THSD4: variants seen among roughly 807,000 people sequenced by gnomAD.
THSD4 encodes thrombospondin type 1 domain containing 4, also known as thrombospondin type-1 domain-containing protein 4.
A neutral mutation model predicts 119.0 loss-of-function variants in THSD4; 69 were observed. That is an observed-to-expected ratio of 0.58 (90% CI 0.48 to 0.71). THSD4 has a LOEUF of 0.71. THSD4 is among the 30% of genes least tolerant of loss of function. THSD4 has a pLI of 0.00. For missense variants in THSD4, 1,393 were observed against 1,391.1 expected, an observed-to-expected ratio of 1.00 and a Z score of -0.02; for synonymous variants, 524 against 540.4, an observed-to-expected ratio of 0.97 and a Z score of 0.42.
chr15:71,298,833 G>A (rs567715889), intron 6 of THSD4, among the ~76,000 whole-genome samples: 44 of 152,252 alleles, frequency 2.9e-4, no homozygotes, highest in African/African-American at 9.9e-4. Context: ...GGCTGGTCTC[G>A]AACTCCTGAG....
At chr15:71,459,338 GTCTCTCTGTCTCTCTCTC>G (rs1375575266) in intron 7 of THSD4, among the ~76,000 whole-genome samples, 2 of 131,472 alleles carry the variant, frequency 1.5e-5, no homozygotes, top group Admixed American at 1.5e-4. Context: ...CTCTCTCTCT[GTCTCTCTGTCTCTCTCTC>G]TCTCTCTGTC....
intron 6 of THSD4, among the ~76,000 whole-genome samples, chr15:71,364,256 A>G (rs1049400763): frequency 6.6e-6 from 1 of 152,212 alleles, no homozygotes. Flanking sequence ...CCTGCTACCC[A>G]TCGTTCTTGC....
intron 6 of THSD4, among the ~76,000 whole-genome samples, chr15:71,366,816 G>A (rs979423829): frequency 3.9e-5 from 6 of 152,140 alleles, no homozygotes; most frequent in African/African-American, 1.4e-4. Context: ...ATTTCCAGGT[G>A]GGAATTAGAC....
At chr15:71,186,282 C>T (rs987425283) in intron 3 of THSD4, 7 of 152,090 alleles carry the variant, frequency 4.6e-5, no homozygotes, top group African/African-American at 1.7e-4. Context: ...ATGAGATGAC[C>T]TTTGTGTGCC....
chr15:71,199,893 ATGTGTGTGTGGTGCATGTGTGGGG>A (rs1309323293), intron 3 of THSD4, among the ~76,000 whole-genome samples: 97 of 29,818 alleles, frequency 3.3e-3, no homozygotes, highest in African/African-American at 5.4e-3. Flanking sequence ...CATGTGTGGT[ATGTGTGTGTGGTGCATGTGTGGGG>A]TGTGTGTGTG....
chr15:71,630,748 G>GTTTGAATGCACCAGTGTGTGTCTCTGGTT (rs2050610776), intron 7 of THSD4, among the ~76,000 whole-genome samples: 1 of 152,218 alleles, frequency 6.6e-6, no homozygotes, highest in Non-Finnish European at 1.5e-5. Flanking sequence ...ACACATGGGT[G>GTTTGAATGCACCAGTGTGTGTCTCTGGTT]TTTGAATGCA....
rs1457208182 is a variant in THSD4, at chr15:71,349,027, C to G, written c.1016-62660C>G. ...CATAAATTCTCTTTTTCTGGGCCATCCTTCCTATCTGTGTTCACAAGTCCA... is the reference window on the plus strand; with the variant it reads ...CATAAATTCTCTTTTTCTGGGCCATGCTTCCTATCTGTGTTCACAAGTCCA... On this transcript the variant is annotated intron_variant, in intron 6 of 17. Transcript: ENST00000261862. Among the ~76,000 whole-genome samples the G allele has an allele frequency of 2.6e-5, 4 of 152,324 alleles. No homozygotes were observed. In the East Asian group the frequency reaches 7.7e-4, roughly 29 times the overall value.
intron 3 of THSD4, among the ~76,000 whole-genome samples, chr15:71,214,394 C>A (rs1459578875): frequency 6.6e-6 from 1 of 152,226 alleles, no homozygotes; most frequent in Non-Finnish European, 1.5e-5. Flanking sequence ...CCTTTGTGAG[C>A]TGTAACACTC....
intron 2 of THSD4, among the ~76,000 whole-genome samples, chr15:71,154,276 A>C (rs1214528147): frequency 2.0e-5 from 3 of 152,110 alleles, no homozygotes; most frequent in African/African-American, 7.2e-5. Context: ...ATTTGATGAC[A>C]TTCTCTAATC....
intron 7 of THSD4, among the ~76,000 whole-genome samples, chr15:71,582,783 T>C (rs1325098212): frequency 6.6e-6 from 1 of 152,198 alleles, no homozygotes; most frequent in Non-Finnish European, 1.5e-5. Flanking sequence ...GTATATCACG[T>C]CTTGATTTGC....
Position 71,783,214 on chromosome 15 carries a change from A to G in THSD4, c.*5840A>G, listed in dbSNP as rs1595947646. The G allele has an allele frequency of 6.6e-6, 1 of 152,230 alleles. No homozygotes were observed. Among genetic ancestry groups the G allele is most frequent in the East Asian group, 1.9e-4 (1 of 5,204 alleles). 9.4% of individuals were successfully genotyped at this position (152,230 alleles called of 1,614,324 possible). ...TGTTTTCTCTTCAGCAAAAATGACT[A>G]TTTTTGTGTGTGACTAATTTATTTT... On this transcript the variant is annotated 3_prime_UTR_variant, in exon 18 of 18. Transcript: ENST00000261862.
intron 6 of THSD4, among the ~76,000 whole-genome samples, chr15:71,270,469 C>T (rs2044515361): frequency 6.6e-6 from 1 of 152,088 alleles, no homozygotes; most frequent in Non-Finnish European, 1.5e-5. Flanking sequence ...TTATTGAGCA[C>T]TTACTATATT....
intron 6 of THSD4, among the ~76,000 whole-genome samples, chr15:71,309,530 G>T (rs1381027177): frequency 1.3e-5 from 2 of 151,844 alleles, no homozygotes; most frequent in African/African-American, 4.8e-5. Flanking sequence ...TTTTTTCTTT[G>T]GCTGCATGTA....
intron 7 of THSD4, among the ~76,000 whole-genome samples, chr15:71,509,338 C>G (rs947171792): frequency 1.3e-5 from 2 of 152,180 alleles, no homozygotes; most frequent in Non-Finnish European, 2.9e-5. Flanking sequence ...GACTTGGAGA[C>G]AAGGGGAACC....
intron 6 of THSD4, among the ~76,000 whole-genome samples, chr15:71,283,555 T>A (rs1207209186): frequency 1.3e-5 from 2 of 152,188 alleles, no homozygotes; most frequent in African/African-American, 4.8e-5. Context: ...TAATGTTTAT[T>A]GAATATTTAC....
In THSD4 at chr15:71,490,559, C is replaced by CAAAAA. The variant is rs11408465; in HGVS notation, c.1152+78753_1152+78757dup. 6.7e-4 allele frequency among the ~76,000 whole-genome samples: 61 copies of CAAAAA among 90,896 alleles called. 2 individuals are homozygous for CAAAAA. The highest frequency in any genetic ancestry group is 2.2e-3 in the African/African-American group (41 of 18,766). 59.6% of individuals were successfully genotyped at this position (90,896 alleles called of 152,430 possible). On this transcript the variant is annotated intron_variant, in intron 7 of 17. Transcript: ENST00000261862. ...TGGGTGACAGAGCAAGACTCCGTCT[C>CAAAAA]AAAAAAAAAAAAAAAAAAAAACATT... is the stretch of plus-strand genomic sequence containing the variant.
intron 6 of THSD4, among the ~76,000 whole-genome samples, chr15:71,283,297 A>G (rs749853491): frequency 2.6e-5 from 4 of 152,126 alleles, no homozygotes; most frequent in Non-Finnish European, 5.9e-5. Context: ...TCTGTTGTAT[A>G]CAGTTGCTTG....
rs752531156 is a variant in THSD4, at chr15:71,341,445, A to G, written c.1016-70242A>G. 131 of 1,613,148 alleles carry G rather than the reference A, an allele frequency of 8.1e-5. 3 individuals carry two copies. The highest frequency in any genetic ancestry group is 5.7e-4 in the South Asian group (52 of 91,010). On this transcript the variant is annotated intron_variant, in intron 6 of 17. Coordinates refer to ENST00000261862, the MANE Select transcript of THSD4 (RefSeq NM_024817.3). The stretch of plus-strand genomic sequence containing the variant: ...GCGTTTTTAAGCATGTGCAGCAAGA[A>G]TTCAGCACTCTTTTTGGGCCACCGA...
At chr15:71,538,058 C>A (rs906040582) in intron 7 of THSD4, among the ~76,000 whole-genome samples, 10 of 152,150 alleles carry the variant, frequency 6.6e-5, no homozygotes, top group Middle Eastern at 3.4e-3. Context: ...CCGTGCCCAG[C>A]CTATTTGTCT....
Sources: allele counts gnomAD v4.1 joint callset (sites outside exome capture counted in the v4.1 genomes callset), GRCh38; gene constraint gnomAD v4.1.1; transcripts MANE v1.5; gene names NCBI Gene and HGNC (gene_info 2026-07-23, HGNC 2026-07-21).